Variants in XNDC1N observed in about 807,000 individuals in gnomAD.
XNDC1N encodes protein XNDC1N.
the XNDC1N span, among the ~76,000 whole-genome samples, chr11:71,887,409 G>C: frequency 6.6e-6 from 1 of 152,050 alleles, no homozygotes; most frequent in African/African-American, 2.4e-5. Context: ...ACGGCTCTTT[G>C]CTGCTAAAGT....
At chr11:71,876,564 T>G in the XNDC1N span, among the ~76,000 whole-genome samples, 1 of 152,174 alleles carries the variant, frequency 6.6e-6, no homozygotes. Flanking sequence ...CTTAGGTTGG[T>G]GCAAACATAA....
the XNDC1N span, among the ~76,000 whole-genome samples, chr11:71,889,058 CTGT>C: frequency 6.6e-6 from 1 of 152,198 alleles, no homozygotes; most frequent in Non-Finnish European, 1.5e-5. Flanking sequence ...ACCCTGGACA[CTGT>C]TGTTGAAGCC....
the XNDC1N span, among the ~76,000 whole-genome samples, chr11:71,898,947 A>C: frequency 6.6e-6 from 1 of 152,206 alleles, no homozygotes; most frequent in African/African-American, 2.4e-5. Context: ...CCATAATAAA[A>C]GATGAAAATT....
chr11:71,897,696 A>C, the XNDC1N span, among the ~76,000 whole-genome samples: 2 of 152,232 alleles, frequency 1.3e-5, no homozygotes, highest in African/African-American at 4.8e-5. Flanking sequence ...ATGTTCCCGC[A>C]GTTGCATTTG....
At chr11:71,886,299 C>G in the XNDC1N span, among the ~76,000 whole-genome samples, 225 of 152,120 alleles carry the variant, frequency 1.5e-3, 4 homozygotes, top group East Asian at 5.8e-4. Context: ...TGCTCATGTT[C>G]CTCTTTAACA....
At chr11:71,928,507 T>G in the XNDC1N span, 1 of 702,572 alleles carries the variant, frequency 1.4e-6, no homozygotes, top group South Asian at 1.5e-5. Flanking sequence ...GAATGCGTTC[T>G]GGGGCTTCAA....
chr11:71,879,520 A>T, the XNDC1N span, among the ~76,000 whole-genome samples: 2 of 152,188 alleles, frequency 1.3e-5, no homozygotes. Flanking sequence ...TCCCTCATTT[A>T]TATAATACTT....
the XNDC1N span, among the ~76,000 whole-genome samples, chr11:71,914,954 AG>A: frequency 6.6e-6 from 1 of 152,222 alleles, no homozygotes; most frequent in African/African-American, 2.4e-5. Context: ...TTTTGAAAGA[AG>A]TTGTACTGTG....
chr11:71,914,243 C>T, the XNDC1N span: 1 of 453,624 alleles, frequency 2.2e-6, no homozygotes, highest in South Asian at 1.6e-5. Flanking sequence ...AATAATTTAC[C>T]ATCTTGGATG....
chr11:71,919,249 A>G, the XNDC1N span, among the ~76,000 whole-genome samples: 7 of 152,168 alleles, frequency 4.6e-5, no homozygotes, highest in Admixed American at 2.0e-4. Flanking sequence ...TTTAATCTTC[A>G]TAACAATTCT....
chr11:71,896,089 C>A, the XNDC1N span, among the ~76,000 whole-genome samples: 1 of 152,166 alleles, frequency 6.6e-6, no homozygotes, highest in South Asian at 2.1e-4. Flanking sequence ...ACCCGCCTGG[C>A]CAACATGATG....
the XNDC1N span, among the ~76,000 whole-genome samples, chr11:71,904,285 G>A: frequency 2.0e-5 from 3 of 152,078 alleles, no homozygotes; most frequent in Non-Finnish European, 2.9e-5. Flanking sequence ...CACACATGGG[G>A]TACACCCACT....
chr11:71,888,655 G>A, the XNDC1N span, among the ~76,000 whole-genome samples: 1 of 152,344 alleles, frequency 6.6e-6, no homozygotes, highest in Admixed American at 6.5e-5. Context: ...CCCCCTGTTG[G>A]AGGGCCTTGG....
chr11:71,891,151 A>G, the XNDC1N span, among the ~76,000 whole-genome samples: 1 of 152,034 alleles, frequency 6.6e-6, no homozygotes. Context: ...CCTCTGCGAT[A>G]TTGAAAATGA....
the XNDC1N span, chr11:71,928,382 G>A: frequency 2.9e-6 from 2 of 681,972 alleles, no homozygotes; most frequent in African/African-American, 3.5e-5. Flanking sequence ...CGTGGACCTC[G>A]AGGAGCCACC....
the XNDC1N span, among the ~76,000 whole-genome samples, chr11:71,890,845 G>A: frequency 6.6e-6 from 1 of 151,990 alleles, no homozygotes. Context: ...CAGACCCTGC[G>A]ACCTTTGCTG....
At chr11:71,914,254 C>T in the XNDC1N span, 1 of 455,310 alleles carries the variant, frequency 2.2e-6, no homozygotes, top group African/African-American at 2.0e-5. Flanking sequence ...ATCTTGGATG[C>T]CATTAAGAAT....
At chr11:71,909,738 T>G in the XNDC1N span, among the ~76,000 whole-genome samples, 1 of 152,186 alleles carries the variant, frequency 6.6e-6, no homozygotes, top group African/African-American at 2.4e-5. Context: ...TGTCTCAGAC[T>G]TGTACTGTAG....
At chr11:71,906,422 G>C in the XNDC1N span, among the ~76,000 whole-genome samples, 1 of 152,016 alleles carries the variant, frequency 6.6e-6, no homozygotes, top group Non-Finnish European at 1.5e-5. Context: ...TTATGAAAGA[G>C]AACACAGGGA....
Sources: gnomAD v4.1 joint callset for allele counts (sites outside exome capture counted in the v4.1 genomes callset) on GRCh38, gnomAD v4.1.1 for gene constraint, MANE v1.5 for transcripts, NCBI Gene and HGNC (gene_info 2026-07-23, HGNC 2026-07-21) for gene names.